The following ACSF2 variants were observed in gnomAD, a reference collection of about 807,000 sequenced individuals.
ACSF2 encodes the protein acyl-CoA synthetase family member 2, also known as medium-chain acyl-CoA ligase ACSF2, mitochondrial.
Under a neutral mutation model 79.3 loss-of-function variants are expected in ACSF2, and 52 were observed. The ratio of observed to expected loss-of-function variants is 0.66; its 90% CI spans 0.53 to 0.83. The LOEUF is 0.83. Ranked by LOEUF, ACSF2 falls within the 40% of genes least tolerant of loss-of-function variation. The pLI is 0.00. For synonymous variants in ACSF2, 283 were observed against 312.6 expected (o/e 0.91, Z 1.00); for missense variants, 661 against 803.3 (o/e 0.82, Z 2.14).
rs189494811 is a variant in ACSF2, at chr17:50,430,618, T to C, written c.128+4229T>C. On this transcript the variant is annotated intron_variant, in intron 1 of 15. Coordinates refer to ENST00000300441, the MANE Select transcript of ACSF2 (RefSeq NM_025149.6). ...AGGAGAAGGTTGCAGTGAGCCGAGA[T>C]TGTGCCACTGCACTCCAACCTGGGC... 9.2e-4 allele frequency among the ~76,000 whole-genome samples: 140 copies of C among 152,276 alleles called. 1 individual carries two copies. The highest frequency in any genetic ancestry group is 3.2e-3 in the African/African-American group (135 of 41,552).
chr17:50,458,184 A>T (rs1013343745), intron 1 of ACSF2, among the ~76,000 whole-genome samples: 4 of 152,140 alleles, frequency 2.6e-5, no homozygotes, highest in Admixed American at 2.0e-4. Context: ...ACATCCATCC[A>T]TCCCTCTTCA....
chr17:50,455,582 G>A (rs1392467673), intron 1 of ACSF2, among the ~76,000 whole-genome samples: 1 of 152,192 alleles, frequency 6.6e-6, no homozygotes, highest in African/African-American at 2.4e-5. Flanking sequence ...GTTGACTGCT[G>A]TCCCTGGAGG....
chr17:50,428,194 A>T (rs538578995), intron 1 of ACSF2, among the ~76,000 whole-genome samples: 17 of 152,328 alleles, frequency 1.1e-4, no homozygotes, highest in African/African-American at 4.1e-4. Context: ...GACTCAAAAA[A>T]TAAAAATAAA....
rs367559654 is a variant in ACSF2 at position 50,473,941 on chromosome 17, C to T, written c.1665C>T (p.Cys555=). The change falls in exon 14 of 16, where the codon TGC becomes TGT. Residue 555 remains cysteine, a synonymous_variant. Coordinates refer to ENST00000300441, the MANE Select transcript of ACSF2 (RefSeq NM_025149.6). ...DDRMGEEICA[C]IRLKDGEETT... ...GGATGGGGGAAGAGATTTGTGCCTG[C>T]ATTCGGCTGAAGGACGGGGAGGAGA... The T allele has an allele frequency of 1.1e-5, 17 of 1,564,878 alleles. No individual in the cohort carries two copies. The highest frequency in any genetic ancestry group is 1.5e-5 in the Non-Finnish European group (17 of 1,153,866).
intron 1 of ACSF2, among the ~76,000 whole-genome samples, chr17:50,459,349 TC>T (rs2032198087): frequency 6.6e-6 from 1 of 152,132 alleles, no homozygotes; most frequent in African/African-American, 2.4e-5. Flanking sequence ...CGAGTGATCC[TC>T]CCCCTTCAAC....
chr17:50,432,752 TC>T (rs1305011572), intron 1 of ACSF2, among the ~76,000 whole-genome samples: 16 of 152,206 alleles, frequency 1.1e-4, no homozygotes, highest in African/African-American at 3.9e-4. Context: ...GGAAAGCAAA[TC>T]CCAGTCCTAC....
intron 6 of ACSF2, 166 bp downstream of exon 6, chr17:50,462,751 T>C: frequency 1.2e-6 from 1 of 814,280 alleles, no homozygotes; most frequent in Non-Finnish European, 1.9e-6. Flanking sequence ...CTGGTGTCCT[T>C]GTCACATTTC....
intron 1 of ACSF2, among the ~76,000 whole-genome samples, chr17:50,436,573 A>G (rs2030443131): frequency 6.6e-6 from 1 of 152,120 alleles, no homozygotes; most frequent in African/African-American, 2.4e-5. Context: ...AGCTGGGATT[A>G]CAGGCATGTG....
rs557227749 is a variant in ACSF2 at position 50,458,343 on chromosome 17, C to A, written c.129-2334C>A. ...TTCAGCTGGGTTCAAGTTCCAGTCA[C>A]CCTCCCGTTCTCACAGCACTCCCTT... is the stretch of plus-strand genomic sequence containing the variant. On this transcript the variant is annotated intron_variant, in intron 1 of 15. Transcript: ENST00000300441. Among the ~76,000 whole-genome samples, 458 of 152,298 alleles carry A rather than the reference C, an allele frequency of 3.0e-3. 1 individual carries two copies. The highest frequency in any genetic ancestry group is 4.6e-3 in the Non-Finnish European group (315 of 68,014).
intron 1 of ACSF2, among the ~76,000 whole-genome samples, chr17:50,458,900 T>A (rs1006448281): frequency 6.6e-6 from 1 of 152,198 alleles, no homozygotes; most frequent in Non-Finnish European, 1.5e-5. Flanking sequence ...CATTTCCTGA[T>A]TTTCTAGGCT....
At chr17:50,443,212 T>TTTTG (rs1030060472) in intron 1 of ACSF2, among the ~76,000 whole-genome samples, 20 of 152,014 alleles carry the variant, frequency 1.3e-4, no homozygotes, top group East Asian at 9.7e-4. Context: ...CCGGCCAGGT[T>TTTTG]TTTGTTTGTT....
At chr17:50,468,207 C>G (rs1420025215) in intron 10 of ACSF2, 1 of 1,613,222 alleles carries the variant, frequency 6.2e-7, no homozygotes, top group Admixed American at 1.7e-5. Flanking sequence ...TGGTTCCTGT[C>G]CACGTGGAAT....
intron 1 of ACSF2, among the ~76,000 whole-genome samples, chr17:50,458,723 G>A (rs962456712): frequency 6.6e-6 from 1 of 152,166 alleles, no homozygotes; most frequent in Admixed American, 6.5e-5. Context: ...CTAAATATTT[G>A]TTGGAGGAAT....
intron 10 of ACSF2, chr17:50,467,890 G>C (rs908983253): frequency 8.6e-5 from 61 of 710,090 alleles, no homozygotes; most frequent in Non-Finnish European, 1.3e-4. Context: ...GACAAGGCGA[G>C]GAAGGGAGGT....
In ACSF2 at chr17:50,469,671, A is replaced by G. The variant is rs543469467; in HGVS notation, c.1216-1357A>G. On this transcript the variant is annotated intron_variant, in intron 10 of 15. Transcript: ENST00000300441. ...ACAGTCGCACCATCCCCCCTCCTTC[A>G]TCGCCCCGAAATATCTCCATCCCTC... Among the ~76,000 whole-genome samples the G allele has an allele frequency of 2.0e-3, 306 of 152,212 alleles. 1 individual carries two copies. The highest frequency in any genetic ancestry group is 7.0e-3 in the African/African-American group (291 of 41,524).
intron 1 of ACSF2, among the ~76,000 whole-genome samples, chr17:50,448,891 T>C (rs2031468145): frequency 6.6e-6 from 1 of 152,150 alleles, no homozygotes; most frequent in Non-Finnish European, 1.5e-5. Context: ...TGTTCTTACC[T>C]GGCTCCATTT....
rs573611543 is a variant in ACSF2, at chr17:50,426,273, C to T, written c.12C>T (p.Tyr4=). 85 of 1,395,428 alleles carry T rather than the reference C, an allele frequency of 6.1e-5. No individual in the cohort carries two copies. In the East Asian group the frequency reaches 2.3e-3, roughly 38 times the overall value. 86.4% of individuals were successfully genotyped at this position (1,395,428 alleles called of 1,614,324 possible). The part of the protein sequence containing the change: MAV[Y]VGMLRLGRLC... The stretch of plus-strand genomic sequence containing the variant: ...GGGCAAAGCGAGCCATGGCTGTCTA[C>T]GTCGGGATGCTGCGCCTGGGGAGGC... Residue 4 remains tyrosine (Y), a synonymous_variant, in exon 1 of 16, where the codon TAC becomes TAT. Transcript: ENST00000300441.
chr17:50,441,279 T>A (rs1219595569), intron 1 of ACSF2, among the ~76,000 whole-genome samples: 1 of 152,208 alleles, frequency 6.6e-6, no homozygotes, highest in African/African-American at 2.4e-5. Flanking sequence ...CAGGTGATCC[T>A]CCCACCTCAG....
At position 50,472,598 on chromosome 17, in the gene ACSF2, G is replaced by T. The variant is rs376691609; in HGVS notation, c.1475+19G>T. 13 of 1,573,520 alleles carry T rather than the reference G, an allele frequency of 8.3e-6. No individual in the cohort carries two copies. Among genetic ancestry groups the T allele is most frequent in the Non-Finnish European group, 1.1e-5 (13 of 1,158,984 alleles). The stretch of plus-strand genomic sequence containing the variant: ...GGACAGGGTGAGAAGGCAGGGCGGG[G>T]TGGAGGCTCTGGCCGCTGAGGGGAG... On this transcript the variant is annotated intron_variant, in intron 12 of 15. Transcript: ENST00000300441.
Sources: allele counts gnomAD v4.1 joint callset (sites outside exome capture counted in the v4.1 genomes callset), GRCh38; gene constraint gnomAD v4.1.1; transcripts MANE v1.5; gene names NCBI Gene and HGNC (gene_info 2026-07-23, HGNC 2026-07-21).